Variants in DAB1 observed in about 807,000 individuals in gnomAD.
The protein encoded by DAB1 is DAB adaptor protein 1.
Under a neutral mutation model 64.6 loss-of-function variants are expected in DAB1, and 15 were observed. The ratio of observed to expected loss-of-function variants is 0.23; its 90% confidence interval spans 0.16 to 0.36. DAB1 has a LOEUF of 0.36. Among genes scored for constraint, DAB1 ranks in the 10% least tolerant of loss-of-function variants. The pLI is 1.00. For missense variants in DAB1, 596 were observed against 706.7 expected (o/e 0.84, Z 1.78); for synonymous variants, 235 against 251.9 (o/e 0.93, Z 0.64).
intron 3 of DAB1, among the ~76,000 whole-genome samples, chr1:58,372,983 G>A (rs1257159402): frequency 6.6e-6 from 1 of 151,800 alleles, no homozygotes; most frequent in Non-Finnish European, 1.5e-5. Context: ...ACACACACAT[G>A]CACACAAGAA....
chr1:58,394,488 G>C (rs541216479), intron 3 of DAB1, among the ~76,000 whole-genome samples: 1 of 152,136 alleles, frequency 6.6e-6, no homozygotes, highest in Non-Finnish European at 1.5e-5. Flanking sequence ...CTCGTGAATG[G>C]TTAAATAAAT....
intron 1 of DAB1, among the ~76,000 whole-genome samples, chr1:57,299,792 C>T (rs1673483423): frequency 6.6e-6 from 1 of 152,240 alleles, no homozygotes; most frequent in African/African-American, 2.4e-5. Flanking sequence ...CTGACTCCGC[C>T]ATTGACTGCC....
At chr1:58,246,608 TATG>T (rs1366730363) in intron 4 of DAB1, among the ~76,000 whole-genome samples, 3 of 152,184 alleles carry the variant, frequency 2.0e-5, no homozygotes, top group Admixed American at 6.5e-5. Flanking sequence ...TGAGGCTGCA[TATG>T]ATGTGTGTGG....
chr1:58,117,166 A>T (rs10493237), intron 5 of DAB1, among the ~76,000 whole-genome samples: 8,376 of 152,286 alleles, frequency 0.055, 353 homozygotes, highest in Non-Finnish European at 0.084. Flanking sequence ...CAACTAATGC[A>T]CACCGGATAT....
intron 5 of DAB1, among the ~76,000 whole-genome samples, chr1:58,045,311 T>C (rs1647215081): frequency 6.6e-6 from 1 of 152,144 alleles, no homozygotes; most frequent in Non-Finnish European, 1.5e-5. Context: ...ACCTACTCAT[T>C]ACTGCCATAC....
chr1:58,114,590 A>C (rs1185524520), intron 5 of DAB1, among the ~76,000 whole-genome samples: 1 of 152,210 alleles, frequency 6.6e-6, no homozygotes, highest in Non-Finnish European at 1.5e-5. Context: ...ATGCCCATTT[A>C]TTTAAGTAGT....
At chr1:57,697,532 A>T (rs1646859702) in intron 6 of DAB1, among the ~76,000 whole-genome samples, 1 of 151,990 alleles carries the variant, frequency 6.6e-6, no homozygotes, top group Admixed American at 6.6e-5. Context: ...AGAAATGATA[A>T]GGTATCAGTC....
intron 4 of DAB1, among the ~76,000 whole-genome samples, chr1:57,087,414 G>C (rs1047874108): frequency 2.0e-5 from 3 of 152,238 alleles, no homozygotes; most frequent in African/African-American, 7.2e-5. Context: ...AGTCACCAAG[G>C]GAGAAGGGGA....
At chr1:57,020,316 G>A (rs1490744127) in intron 11 of DAB1, among the ~76,000 whole-genome samples, 1 of 152,188 alleles carries the variant, frequency 6.6e-6, no homozygotes, top group Non-Finnish European at 1.5e-5. Context: ...TCTGTTGAGT[G>A]CTTACTGATG....
chr1:58,344,428 A>G (rs1341746), intron 3 of DAB1, among the ~76,000 whole-genome samples: 42,757 of 152,044 alleles, frequency 0.28, 6,427 homozygotes, highest in South Asian at 0.39. Flanking sequence ...TCAATTTCCT[A>G]TCTGTTGGGA....
At chr1:58,520,355 T>G (rs1221433925) in intron 2 of DAB1, among the ~76,000 whole-genome samples, 1 of 152,178 alleles carries the variant, frequency 6.6e-6, no homozygotes, top group Non-Finnish European at 1.5e-5. Context: ...GAAAAACTCC[T>G]ACAACTCAAG....
At chr1:57,555,057 A>G (rs1644971407) in intron 7 of DAB1, among the ~76,000 whole-genome samples, 1 of 100,378 alleles carries the variant, frequency 1.0e-5, no homozygotes, top group Non-Finnish European at 1.8e-5. Context: ...TTTTTTTGAG[A>G]CGGAGTCTCA....
intron 4 of DAB1, among the ~76,000 whole-genome samples, chr1:58,227,496 T>C (rs1359172358): frequency 2.0e-5 from 3 of 152,138 alleles, no homozygotes; most frequent in Non-Finnish European, 2.9e-5. Flanking sequence ...TAGACCTACT[T>C]ACTAGGATTC....
intron 2 of DAB1, among the ~76,000 whole-genome samples, chr1:57,147,301 G>T: frequency 6.6e-6 from 1 of 151,880 alleles, no homozygotes; most frequent in East Asian, 1.9e-4. Context: ...ATAGGCGTGA[G>T]TATCACCACT....
chr1:57,892,438 T>C (rs975320753), intron 5 of DAB1, among the ~76,000 whole-genome samples: 2 of 152,212 alleles, frequency 1.3e-5, no homozygotes, highest in Admixed American at 6.5e-5. Context: ...TGCTTTTCAT[T>C]TATGAACCCA....
rs182357158 is a variant in DAB1 at position 57,176,618 on chromosome 1, T to C, written c.68-31189A>G. 1.2e-4 allele frequency among the ~76,000 whole-genome samples: 18 copies of C among 152,212 alleles called. No individual in the cohort carries two copies. The Middle Eastern group carries it at 0.01, about 86-fold the overall frequency. On this transcript the variant is annotated intron_variant, in intron 2 of 14. Coordinates refer to ENST00000371236, the MANE Select transcript of DAB1 (RefSeq NM_001365792.1). The stretch of plus-strand genomic sequence containing the variant: ...ATCTTGTTTTAGATGATTATATTCT[T>C]TTCTTGGTACATGATATGTAAAATC...
intron 7 of DAB1, among the ~76,000 whole-genome samples, chr1:57,636,377 C>T (rs1292147633): frequency 6.6e-6 from 1 of 152,128 alleles, no homozygotes; most frequent in African/African-American, 2.4e-5. Context: ...GCAGCCCAAG[C>T]AGACTGGTAC....
intron 3 of DAB1, among the ~76,000 whole-genome samples, chr1:58,411,922 T>C (rs1048624949): frequency 1.3e-5 from 2 of 152,224 alleles, no homozygotes; most frequent in African/African-American, 4.8e-5. Context: ...TAGTTTCTCA[T>C]ACCATTTTTG....
intron 7 of DAB1, among the ~76,000 whole-genome samples, chr1:57,488,460 T>A (rs937115197): frequency 6.7e-6 from 1 of 148,810 alleles, no homozygotes; most frequent in Non-Finnish European, 1.5e-5. Context: ...GCAGATCACC[T>A]GAGGTCAGGA....
Sources: allele counts gnomAD v4.1 joint callset (sites outside exome capture counted in the v4.1 genomes callset), GRCh38; gene constraint gnomAD v4.1.1; transcripts MANE v1.5; gene names NCBI Gene and HGNC (gene_info 2026-07-23, HGNC 2026-07-21).